APBA1: variants seen among roughly 807,000 people sequenced by gnomAD.
The protein encoded by APBA1 is amyloid beta precursor protein binding family A member 1, also known as amyloid-beta A4 precursor protein-binding family A member 1.
Under a neutral mutation model 86.6 loss-of-function variants are expected in APBA1, and 55 were observed. The ratio of observed to expected loss-of-function variants is 0.64; its 90% confidence interval spans 0.51 to 0.80. APBA1 has a LOEUF of 0.80. Ranked by LOEUF, APBA1 falls within the 30% of genes least tolerant of loss-of-function variation. APBA1 has a pLI of 0.00. For synonymous variants in APBA1, 511 were observed against 493.9 expected, an observed-to-expected ratio of 1.03 and a Z score of -0.46; for missense variants, 1,090 against 1,183.0, an observed-to-expected ratio of 0.92 and a Z score of 1.15.
intron 1 of APBA1, among the ~76,000 whole-genome samples, chr9:69,520,234 T>G (rs1182436818): frequency 6.6e-6 from 1 of 152,212 alleles, no homozygotes; most frequent in Admixed American, 6.5e-5. Flanking sequence ...ACAAGAGGAC[T>G]GTTCTCCATA....
At chr9:69,449,372 C>T (rs961843733) in intron 10 of APBA1, among the ~76,000 whole-genome samples, 6 of 152,196 alleles carry the variant, frequency 3.9e-5, no homozygotes, top group African/African-American at 1.4e-4. Context: ...ACCAAATACA[C>T]TTCCCCTAAT....
chr9:69,434,963 A>T (rs2133784765), intron 11 of APBA1, among the ~76,000 whole-genome samples: 1 of 103,130 alleles, frequency 9.7e-6, no homozygotes, highest in Admixed American at 1.4e-4. Flanking sequence ...ACCCCACAAC[A>T]GTCCCCAGTG....
chr9:69,590,283 T>C (rs994535907), intron 1 of APBA1, among the ~76,000 whole-genome samples: 2 of 152,220 alleles, frequency 1.3e-5, no homozygotes, highest in African/African-American at 4.8e-5. Flanking sequence ...CCAGCGAGGT[T>C]CAAATAAATA....
At chr9:69,611,287 A>G (rs1822582051) in intron 1 of APBA1, among the ~76,000 whole-genome samples, 1 of 56,316 alleles carries the variant, frequency 1.8e-5, no homozygotes, top group Non-Finnish European at 3.6e-5. Context: ...CAGAAAAGGA[A>G]AAAAAAAAAA....
rs1313990829 is a variant in APBA1 at position 69,624,956 on chromosome 9, C to T, written c.-70+47197G>A. ...AGCCTTTGTTACAGATATTTAATTG[C>T]TAACAACCAACCCACAGCAACAGCC... On this transcript the variant is annotated intron_variant, in intron 1 of 12. Transcript: ENST00000265381. 1.9e-4 allele frequency among the ~76,000 whole-genome samples: 29 copies of T among 152,166 alleles called. 1 individual carries two copies. The highest frequency in any genetic ancestry group is 1.9e-3 in the Admixed American group (29 of 15,268).
At chr9:69,471,232 G>A (rs1194315251) in intron 4 of APBA1, among the ~76,000 whole-genome samples, 2 of 152,216 alleles carry the variant, frequency 1.3e-5, no homozygotes, top group Non-Finnish European at 2.9e-5. Context: ...CCACGTAATA[G>A]ATGAAAATTG....
At chr9:69,513,184 GTTCCTAAAGCATCATACAA>G (rs1836079991) in intron 2 of APBA1, among the ~76,000 whole-genome samples, 1 of 152,158 alleles carries the variant, frequency 6.6e-6, no homozygotes, top group African/African-American at 2.4e-5. Flanking sequence ...GACATGGTTG[GTTCCTAAAGCATCATACAA>G]TGTTCTATAA....
chr9:69,540,121 G>A (rs1301231206), intron 1 of APBA1, among the ~76,000 whole-genome samples: 1 of 62,612 alleles, frequency 1.6e-5, no homozygotes, highest in Non-Finnish European at 4.0e-5. Context: ...ACTCCATCTC[G>A]GCAACAACAA....
At chr9:69,494,562 T>C (rs954619660) in intron 2 of APBA1, 1 of 152,176 alleles carries the variant, frequency 6.6e-6, no homozygotes, top group African/African-American at 2.4e-5. Context: ...AACTGACTTA[T>C]AAACACAGGT....
chr9:69,440,102 T>C (rs1834786959), intron 11 of APBA1, among the ~76,000 whole-genome samples: 1 of 152,222 alleles, frequency 6.6e-6, no homozygotes, highest in Non-Finnish European at 1.5e-5. Flanking sequence ...ACAGCGGATA[T>C]TGGTGAACCG....
At chr9:69,550,370 A>G (rs1320340221) in intron 1 of APBA1, among the ~76,000 whole-genome samples, 1 of 152,142 alleles carries the variant, frequency 6.6e-6, no homozygotes, top group Non-Finnish European at 1.5e-5. Context: ...TCTTTCTCAA[A>G]TCAATTCAGT....
At chr9:69,591,027 G>A (rs369663025) in intron 1 of APBA1, among the ~76,000 whole-genome samples, 9 of 152,160 alleles carry the variant, frequency 5.9e-5, no homozygotes, top group African/African-American at 1.2e-4. Flanking sequence ...GAGGTCCCCC[G>A]TACCATGGTC....
chr9:69,512,793 G>C (rs1836072950), intron 2 of APBA1, among the ~76,000 whole-genome samples: 1 of 152,026 alleles, frequency 6.6e-6, no homozygotes, highest in Non-Finnish European at 1.5e-5. Flanking sequence ...ACCCACATCA[G>C]GTATTCTGGT....
At chr9:69,546,447 C>T (rs1243226995) in intron 1 of APBA1, among the ~76,000 whole-genome samples, 1 of 152,164 alleles carries the variant, frequency 6.6e-6, no homozygotes, top group African/African-American at 2.4e-5. Flanking sequence ...ACCAAGAAAA[C>T]TGGAGGGAGT....
intron 2 of APBA1, among the ~76,000 whole-genome samples, chr9:69,486,837 C>T (rs184732874): frequency 5.6e-4 from 85 of 151,728 alleles, no homozygotes; most frequent in African/African-American, 1.9e-3. Flanking sequence ...CTACTCTCTG[C>T]CCCGGGAGTA....
chr9:69,642,380 G>A (rs1036294895), intron 1 of APBA1, among the ~76,000 whole-genome samples: 6 of 152,142 alleles, frequency 3.9e-5, no homozygotes, highest in African/African-American at 1.4e-4. Context: ...AACATCATTA[G>A]TCATCAGGGA....
rs150544292 is a variant in APBA1 at position 69,583,346 on chromosome 9, G to A, written c.-69-66067C>T. On this transcript the variant is annotated intron_variant, in intron 1 of 12. Coordinates refer to ENST00000265381, the MANE Select transcript of APBA1 (RefSeq NM_001163.4). ...CCCCAGGTCTCCTTTGCTGGCTCTCGGTCTCTTCTTCAGCCCCTTGAACCT... is the reference window on the plus strand; with the variant it reads ...CCCCAGGTCTCCTTTGCTGGCTCTCAGTCTCTTCTTCAGCCCCTTGAACCT... 2.3e-4 allele frequency among the ~76,000 whole-genome samples: 35 copies of A among 152,158 alleles called. No homozygotes were observed. The East Asian group carries it at 5.4e-3, about 24-fold the overall frequency.
intron 2 of APBA1, among the ~76,000 whole-genome samples, chr9:69,511,771 T>TAGGGACATGGATGA (rs1184688767): frequency 2.0e-5 from 3 of 151,866 alleles, no homozygotes; most frequent in Admixed American, 6.6e-5. Flanking sequence ...ATGTCCTTTG[T>TAGGGACATGGATGA]AGGGACATGG....
intron 1 of APBA1, among the ~76,000 whole-genome samples, chr9:69,554,130 C>A (rs1480384812): frequency 6.6e-6 from 1 of 152,198 alleles, no homozygotes; most frequent in Non-Finnish European, 1.5e-5. Flanking sequence ...GCAACATATT[C>A]AAATACCTAC....
Sources: gnomAD v4.1 joint callset for allele counts (sites outside exome capture counted in the v4.1 genomes callset) on GRCh38, gnomAD v4.1.1 for gene constraint, MANE v1.5 for transcripts, NCBI Gene and HGNC (gene_info 2026-07-23, HGNC 2026-07-21) for gene names.